GRM5: variants seen among roughly 807,000 people sequenced by gnomAD.
The protein encoded by GRM5 is glutamate metabotropic receptor 5, also known as metabotropic glutamate receptor 5.
A neutral mutation model predicts 83.1 loss-of-function variants in GRM5; 19 were observed. That is an observed-to-expected ratio of 0.23 (90% confidence interval 0.16 to 0.34). The LOEUF (loss-of-function observed/expected upper bound fraction) is 0.34. Among genes scored for constraint, GRM5 ranks in the 10% least tolerant of loss-of-function variants. The pLI, the probability that GRM5 is intolerant of heterozygous loss-of-function variation, is 1.00. For synonymous variants in GRM5, 675 were observed against 633.6 expected, an observed-to-expected ratio of 1.07 and a Z score of -0.98; for missense variants, 1,160 against 1,588.3, an observed-to-expected ratio of 0.73 and a Z score of 4.58.
intron 3 of GRM5, among the ~76,000 whole-genome samples, chr11:88,698,755 C>T (rs1940960240): frequency 6.6e-6 from 1 of 152,132 alleles, no homozygotes; most frequent in South Asian, 2.1e-4. Context: ...GGGAAGTATT[C>T]TTAATGGTCA....
intron 3 of GRM5, among the ~76,000 whole-genome samples, chr11:88,824,175 T>C (rs1430239741): frequency 6.6e-6 from 1 of 151,984 alleles, no homozygotes; most frequent in African/African-American, 2.4e-5. Flanking sequence ...TTGGAAGCAT[T>C]AAGAAAAAAA....
chr11:89,050,957 G>T (rs1434696444), intron 1 of GRM5, among the ~76,000 whole-genome samples: 2 of 152,080 alleles, frequency 1.3e-5, no homozygotes, highest in African/African-American at 2.4e-5. Flanking sequence ...CCTGCTGGAG[G>T]GTGGGAGGAG....
intron 3 of GRM5, among the ~76,000 whole-genome samples, chr11:88,796,764 A>G (rs1239219139): frequency 6.6e-6 from 1 of 152,130 alleles, no homozygotes; most frequent in African/African-American, 2.4e-5. Flanking sequence ...GGATCTTTAC[A>G]TAATTCTTTG....
chr11:88,869,203 A>C lies in GRM5; in HGVS notation c.662-19048T>G, dbSNP rs539118622. On this transcript the variant is annotated intron_variant, in intron 2 of 9. Coordinates refer to ENST00000305447, the MANE Select transcript of GRM5 (RefSeq NM_001143831.3). Reference sequence around the variant, plus strand: ...TCCAGGGGACACTTCTGGCTAAGAAAAATCCTGGAAATGGAAGTCCTATCT... The same window carrying C: ...TCCAGGGGACACTTCTGGCTAAGAACAATCCTGGAAATGGAAGTCCTATCT... Among the ~76,000 whole-genome samples the C allele has an allele frequency of 4.0e-5, 6 of 151,678 alleles. No homozygotes were observed. In the Admixed American group the frequency reaches 4.0e-4, roughly 10 times the overall value.
chr11:89,051,419 T>A (rs949678290), intron 1 of GRM5, among the ~76,000 whole-genome samples: 4 of 151,846 alleles, frequency 2.6e-5, no homozygotes, highest in African/African-American at 7.3e-5. Flanking sequence ...ATAAAAAAAA[T>A]TTAATGTTGG....
intron 6 of GRM5, among the ~76,000 whole-genome samples, chr11:88,592,498 C>T (rs1937664641): frequency 1.3e-5 from 2 of 152,130 alleles, no homozygotes; most frequent in African/African-American, 4.8e-5. Flanking sequence ...CAGAACTTAG[C>T]AGGGATTAGC....
chr11:88,695,460 T>C (rs1565190211), intron 3 of GRM5, among the ~76,000 whole-genome samples: 1 of 152,248 alleles, frequency 6.6e-6, no homozygotes, highest in Non-Finnish European at 1.5e-5. Context: ...TATTACTTAC[T>C]GCTTTGAATG....
intron 8 of GRM5, among the ~76,000 whole-genome samples, chr11:88,547,045 A>G (rs1181113982): frequency 6.6e-6 from 1 of 152,192 alleles, no homozygotes; most frequent in Non-Finnish European, 1.5e-5. Flanking sequence ...GAAAATTAAA[A>G]TGAGGATACA....
rs535607985 is a variant in GRM5, at chr11:88,976,144, T to A, written c.661+71068A>T. Among the ~76,000 whole-genome samples, 262 of 152,306 alleles carry A rather than the reference T, an allele frequency of 1.7e-3. 1 individual carries two copies. Among genetic ancestry groups the A allele is most frequent in the African/African-American group, 6.1e-3 (253 of 41,576 alleles). The stretch of plus-strand genomic sequence containing the variant: ...AATGATTCCAGTTAATGATTATTGA[T>A]TTTAACCTCAAGAAGAGGAAAATAA... On this transcript the variant is annotated intron_variant, in intron 2 of 9. Coordinates refer to ENST00000305447, the MANE Select transcript of GRM5 (RefSeq NM_001143831.3).
intron 2 of GRM5, among the ~76,000 whole-genome samples, chr11:88,923,839 A>AAT (rs34547887): frequency 0.32 from 48,388 of 150,736 alleles, 7,992 homozygotes; most frequent in Non-Finnish European, 0.36. Context: ...CGTATACCTG[A>AAT]ATATATATAT....
At position 89,023,894 on chromosome 11, in the gene GRM5, T is replaced by TAAAA. The variant is rs975246294; in HGVS notation, c.661+23314_661+23317dup. Among the ~76,000 whole-genome samples the TAAAA allele has an allele frequency of 5.4e-5, 6 of 110,794 alleles. No homozygotes were observed. In the South Asian group the frequency reaches 8.0e-4, roughly 15 times the overall value. The allele number at this position is 110,794 out of a possible 152,430, so 72.7% of individuals were successfully genotyped here. A position where few individuals can be genotyped will look rare whatever the true frequency, so the allele number is the denominator to read the frequency against. ...ATAAATAAATAAATAAATAAATAAA[T>TAAAA]AAAAATAAATTTTAAAATAATGATC... is the stretch of plus-strand genomic sequence containing the variant. On this transcript the variant is annotated intron_variant, in intron 2 of 9. Coordinates refer to ENST00000305447, the MANE Select transcript of GRM5 (RefSeq NM_001143831.3).
At chr11:88,777,689 G>A (rs1269318938) in intron 3 of GRM5, among the ~76,000 whole-genome samples, 5 of 152,136 alleles carry the variant, frequency 3.3e-5, no homozygotes, top group Non-Finnish European at 7.4e-5. Flanking sequence ...TAACAGTCAG[G>A]TCCCTCAGCT....
intron 2 of GRM5, among the ~76,000 whole-genome samples, chr11:89,002,046 C>A (rs1172009167): frequency 2.0e-5 from 3 of 152,060 alleles, no homozygotes; most frequent in South Asian, 2.1e-4. Context: ...TGGTTGATAA[C>A]AACATTTTAA....
At chr11:88,815,103 C>T (rs1350356273) in intron 3 of GRM5, among the ~76,000 whole-genome samples, 3 of 152,060 alleles carry the variant, frequency 2.0e-5, no homozygotes, top group Non-Finnish European at 2.9e-5. Flanking sequence ...TAGAATATTC[C>T]ACCAAACAAT....
At chr11:88,995,275 G>A (rs1417913567) in intron 2 of GRM5, among the ~76,000 whole-genome samples, 2 of 152,044 alleles carry the variant, frequency 1.3e-5, no homozygotes, top group Non-Finnish European at 2.9e-5. Flanking sequence ...GACCAGGCAC[G>A]GTGGAGCATG....
chr11:88,797,847 G>A (rs1943310947), intron 3 of GRM5, among the ~76,000 whole-genome samples: 1 of 151,270 alleles, frequency 6.6e-6, no homozygotes, highest in African/African-American at 2.4e-5. Flanking sequence ...AAGCATTATG[G>A]ATCTTGATCT....
chr11:88,708,771 T>G (rs2135381693), intron 3 of GRM5, among the ~76,000 whole-genome samples: 1 of 152,236 alleles, frequency 6.6e-6, no homozygotes, highest in South Asian at 2.1e-4. Context: ...AGACTTGCTT[T>G]CCTAATTCTA....
chr11:88,920,361 A>G (rs1030434300), intron 2 of GRM5, among the ~76,000 whole-genome samples: 6 of 151,560 alleles, frequency 4.0e-5, no homozygotes, highest in African/African-American at 1.5e-4. Context: ...TAAAACCTAA[A>G]TAGACCAATA....
chr11:88,757,663 C>T (rs61902975), intron 3 of GRM5, among the ~76,000 whole-genome samples: 5 of 152,100 alleles, frequency 3.3e-5, no homozygotes, highest in Non-Finnish European at 5.9e-5. Context: ...CCTCCAGTTA[C>T]GCTGTCTCCC....
Sources: gnomAD v4.1 joint callset for allele counts (sites outside exome capture counted in the v4.1 genomes callset) on GRCh38, gnomAD v4.1.1 for gene constraint, MANE v1.5 for transcripts, NCBI Gene and HGNC (gene_info 2026-07-23, HGNC 2026-07-21) for gene names.